YWHAZ: variants seen among roughly 807,000 people sequenced by gnomAD.
YWHAZ encodes 14-3-3 protein zeta/delta.
For synonymous variants in YWHAZ, 87 were observed against 103.6 expected (o/e 0.84, Z 0.97); for missense variants, 79 against 284.8 (o/e 0.28, Z 5.20).
intron 1 of YWHAZ, chr8:100,951,488 CCGAGT>C: frequency 1.0e-6 from 1 of 985,314 alleles, no homozygotes. Flanking sequence ...GCCGCCGCCG[CCGAGT>C]CATTATCTCG....
chr8:100,936,320 AT>A (rs1275240601), intron 2 of YWHAZ, among the ~76,000 whole-genome samples: 1 of 152,254 alleles, frequency 6.6e-6, no homozygotes, highest in Non-Finnish European at 1.5e-5. Context: ...CTTAAGGCAT[AT>A]ACCTTAAAAA....
chr8:100,942,977 C>G (rs973922407), intron 2 of YWHAZ, among the ~76,000 whole-genome samples: 2 of 152,188 alleles, frequency 1.3e-5, no homozygotes, highest in Non-Finnish European at 2.9e-5. Flanking sequence ...GTGCACTTTT[C>G]TGAGTATAAT....
intron 2 of YWHAZ, among the ~76,000 whole-genome samples, chr8:100,945,726 A>C (rs1810217772): frequency 6.6e-6 from 1 of 152,190 alleles, no homozygotes; most frequent in African/African-American, 2.4e-5. Context: ...ATGTTTCCAG[A>C]GTCGATGTGA....
rs1372051110 is a variant in YWHAZ at position 100,920,068 on chromosome 8, A to C, written c.*625T>G. 3 of 152,664 alleles carry C rather than the reference A, an allele frequency of 2.0e-5. No individual in the cohort carries two copies. Among genetic ancestry groups the C allele is most frequent in the African/African-American group, 7.2e-5 (3 of 41,464 alleles). The allele number at this position is 152,664 out of a possible 1,614,324, so 9.5% of individuals were successfully genotyped here. A position where few individuals can be genotyped will look rare whatever the true frequency, so the allele number is the denominator to read the frequency against. ...AAATGAGTGTAGCAAAAATAATGAA[A>C]GCTAACAGCAGGTAACTTTACAAAT... is the stretch of plus-strand genomic sequence containing the variant. On this transcript the variant is annotated 3_prime_UTR_variant, in exon 6 of 6. Transcript: ENST00000395958.
At chr8:100,940,600 T>C (rs572469480) in intron 2 of YWHAZ, among the ~76,000 whole-genome samples, 2 of 152,364 alleles carry the variant, frequency 1.3e-5, no homozygotes, top group South Asian at 4.1e-4. Flanking sequence ...TTCTCTTAAA[T>C]TTAATCCAAA....
Position 100,951,023 on chromosome 8 carries a change from G to A in YWHAZ, c.-12+906C>T, listed in dbSNP as rs371257911. The A allele has an allele frequency of 7.6e-5, 32 of 419,136 alleles. No individual in the cohort carries two copies. The South Asian group carries it at 3.1e-3, about 40-fold the overall frequency. 26.0% of individuals were successfully genotyped at this position (419,136 alleles called of 1,614,324 possible). On this transcript the variant is annotated intron_variant, in intron 1 of 5. Coordinates refer to ENST00000395958, the MANE Select transcript of YWHAZ (RefSeq NM_145690.3). Reference sequence around the variant, plus strand: ...ACCACCCTGTTCTCTACCCCGACCTGGACTTGCAGCCCCCGTCCACACCTC... The same window carrying A: ...ACCACCCTGTTCTCTACCCCGACCTAGACTTGCAGCCCCCGTCCACACCTC...
intron 2 of YWHAZ, among the ~76,000 whole-genome samples, chr8:100,926,029 A>G (rs1813336853): frequency 7.1e-6 from 1 of 140,606 alleles, no homozygotes; most frequent in Non-Finnish European, 1.6e-5. Flanking sequence ...CAGCTGAGCT[A>G]AATTCCAAAT....
At chr8:100,932,440 A>G (rs1483323520) in intron 2 of YWHAZ, among the ~76,000 whole-genome samples, 1 of 152,180 alleles carries the variant, frequency 6.6e-6, no homozygotes, top group Non-Finnish European at 1.5e-5. Context: ...ATTTTCTAGG[A>G]AAAAACCCTA....
Position 100,948,147 on chromosome 8 carries a change from A to G in YWHAZ, c.294+449T>C. 6.5e-7 allele frequency: 1 copy of G among 1,533,906 alleles called. No homozygotes were observed. The highest frequency in any genetic ancestry group is 1.4e-5 in the African/African-American group (1 of 73,116). ...GAGTTTTCTGCATGGTTGACTCATT[A>G]CATTAACATTATAGCGGCTAATCCT... On this transcript the variant is annotated intron_variant, in intron 2 of 5. Coordinates refer to ENST00000395958, the MANE Select transcript of YWHAZ (RefSeq NM_145690.3). The surrounding 1 kb of genome is among the most constrained non-coding windows in gnomAD (Gnocchi z 4.2).
intron 2 of YWHAZ, among the ~76,000 whole-genome samples, chr8:100,925,814 CA>C (rs1289115968): frequency 6.6e-6 from 1 of 152,056 alleles, no homozygotes; most frequent in African/African-American, 2.4e-5. Context: ...GATTTTAAAG[CA>C]AAAAGATTAG....
rs1267429688 is a variant in YWHAZ, at chr8:100,924,064, A to G, written c.583-14T>C. 1 of 1,608,810 alleles carries G rather than the reference A, an allele frequency of 6.2e-7. No homozygotes were observed. The highest frequency in any genetic ancestry group is 1.7e-5 in the Admixed American group (1 of 58,504). ...TTCATCAAAAGCCTACGATTTAAAAATAGTACATTACATTTCAGTGCTCAA... is the reference window on the plus strand; with the variant it reads ...TTCATCAAAAGCCTACGATTTAAAAGTAGTACATTACATTTCAGTGCTCAA... On this transcript the variant is annotated splice_polypyrimidine_tract_variant and intron_variant, in intron 4 of 5. Coordinates refer to ENST00000395958, the MANE Select transcript of YWHAZ (RefSeq NM_145690.3). This position sits in a 1 kb window ranked among gnomAD's most constrained non-coding sequence, Gnocchi z 5.7.
rs2130380385 is a variant in YWHAZ, at chr8:100,950,675, G to A, written c.-12+1254C>T. On this transcript the variant is annotated intron_variant, in intron 1 of 5. Coordinates refer to ENST00000395958, the MANE Select transcript of YWHAZ (RefSeq NM_145690.3). ...CAAGCCGTGGGGGGGGGGGAGAGAT[G>A]GGGAGCGAAGCCGCCCGACCCCGGG... The A allele has an allele frequency of 3.6e-6, 3 of 843,410 alleles. No individual in the cohort carries two copies. In the South Asian group the frequency reaches 1.6e-4, roughly 46 times the overall value. 52.2% of individuals were successfully genotyped at this position (843,410 alleles called of 1,614,324 possible).
Position 100,948,910 on chromosome 8 carries a change from G to A in YWHAZ, c.-11-10C>T. 4 of 1,547,920 alleles carry A rather than the reference G, an allele frequency of 2.6e-6. No individual in the cohort carries two copies. Among genetic ancestry groups the A allele is most frequent in the Non-Finnish European group, 3.5e-6 (4 of 1,157,130 alleles). On this transcript the variant is annotated splice_polypyrimidine_tract_variant and intron_variant, in intron 1 of 5. Transcript: ENST00000395958. The surrounding 1 kb of genome is among the most constrained non-coding windows in gnomAD (Gnocchi z 4.2). ...TCCATGACTGGATGTTCTGCAGGGG[G>A]GAAAAAAGGAGTATTTAAAATTTTT...
At chr8:100,953,245 C>A, upstream of YWHAZ, 1 of 985,452 alleles carries the variant, frequency 1.0e-6, no homozygotes, top group South Asian at 4.7e-5. Flanking sequence ...GTGAAGACCT[C>A]ATACTGCACA....
chr8:100,952,729 C>G, upstream of YWHAZ: 3 of 956,094 alleles, frequency 3.1e-6, no homozygotes, highest in Non-Finnish European at 3.8e-6. Context: ...CGCGGTCGCA[C>G]GGCAAGGGAG....
At chr8:100,951,730 G>A in intron 1 of YWHAZ, 199 bp downstream of exon 1, 1 of 985,452 alleles carries the variant, frequency 1.0e-6, no homozygotes, top group African/African-American at 1.7e-5. Context: ...GCAAGGAGCC[G>A]GAGGCGGCCG....
intron 2 of YWHAZ, among the ~76,000 whole-genome samples, chr8:100,937,355 CAA>C (rs1563680662): frequency 6.6e-6 from 1 of 150,656 alleles, no homozygotes; most frequent in African/African-American, 2.4e-5. Context: ...GGTACAAAAA[CAA>C]TGATACATTT....
At chr8:100,920,949 T>C (rs987959539) in intron 5 of YWHAZ, among the ~76,000 whole-genome samples, 197 bp from the exon 6 acceptor site, 11 of 152,190 alleles carry the variant, frequency 7.2e-5, no homozygotes, top group African/African-American at 2.4e-4. Context: ...TATAAGCAGG[T>C]TAAGTACACC....
At chr8:100,925,820 G>C (rs142076307) in intron 2 of YWHAZ, among the ~76,000 whole-genome samples, 1 of 152,246 alleles carries the variant, frequency 6.6e-6, no homozygotes, top group African/African-American at 2.4e-5. Flanking sequence ...AAAGCAAAAA[G>C]ATTAGATCAT....
Sources: allele counts gnomAD v4.1 joint callset (sites outside exome capture counted in the v4.1 genomes callset), GRCh38; gene constraint gnomAD v4.1.1; non-coding constraint Gnocchi (gnomAD v3.1); transcripts MANE v1.5; gene names NCBI Gene and HGNC (gene_info 2026-07-23, HGNC 2026-07-21).